CNTNAP2: variants seen among roughly 807,000 people sequenced by gnomAD.
CNTNAP2 encodes the protein contactin-associated protein-like 2.
A neutral mutation model predicts 155.2 loss-of-function variants in CNTNAP2; 98 were observed. That is an observed-to-expected ratio of 0.63 (90% CI 0.54 to 0.75). The LOEUF is 0.75. Ranked by LOEUF, CNTNAP2 falls within the 30% of genes least tolerant of loss-of-function variation. The probability of loss-of-function intolerance (pLI) is 0.00; values close to 1 mark genes in which losing one functional copy is unlikely to be tolerated. For missense variants in CNTNAP2, 1,727 were observed against 1,688.1 expected (o/e 1.02, Z -0.40); for synonymous variants, 651 against 631.2 (o/e 1.03, Z -0.47).
At chr7:147,963,112 C>A (rs915971372) in intron 14 of CNTNAP2, among the ~76,000 whole-genome samples, 1 of 152,064 alleles carries the variant, frequency 6.6e-6, no homozygotes, top group Non-Finnish European at 1.5e-5. Context: ...ATGACATAAT[C>A]TTTACTCAAG....
chr7:147,882,142 T>C (rs927527374), intron 13 of CNTNAP2, among the ~76,000 whole-genome samples: 29 of 149,120 alleles, frequency 1.9e-4, no homozygotes, highest in African/African-American at 6.9e-4. Context: ...GAAAACATAA[T>C]CAGAAAAAAA....
intron 3 of CNTNAP2, among the ~76,000 whole-genome samples, chr7:146,985,420 C>T (rs529550118): frequency 3.1e-4 from 47 of 149,438 alleles, no homozygotes; most frequent in African/African-American, 1.1e-3. Flanking sequence ...TGGGTTCATG[C>T]CATTCTCCTG....
At chr7:146,919,693 G>A (rs1385587023) in intron 3 of CNTNAP2, among the ~76,000 whole-genome samples, 1 of 152,188 alleles carries the variant, frequency 6.6e-6, no homozygotes, top group Non-Finnish European at 1.5e-5. Context: ...ACGTTCAAGA[G>A]CACATCAGCT....
At chr7:146,384,838 A>G (rs1795438090) in intron 1 of CNTNAP2, among the ~76,000 whole-genome samples, 1 of 152,174 alleles carries the variant, frequency 6.6e-6, no homozygotes, top group South Asian at 2.1e-4. Flanking sequence ...TTTCGATGTA[A>G]TTATTACTTC....
At chr7:148,158,557 C>T (rs1805450499) in intron 17 of CNTNAP2, among the ~76,000 whole-genome samples, 1 of 152,118 alleles carries the variant, frequency 6.6e-6, no homozygotes, top group Non-Finnish European at 1.5e-5. Flanking sequence ...CCCAAATAAT[C>T]AAATCAACAG....
intron 1 of CNTNAP2, among the ~76,000 whole-genome samples, chr7:146,695,549 T>A (rs1192159410): frequency 6.6e-6 from 1 of 151,854 alleles, no homozygotes; most frequent in African/African-American, 2.4e-5. Context: ...CATGCAGAAC[T>A]ATAGGCCCAC....
intron 1 of CNTNAP2, among the ~76,000 whole-genome samples, chr7:146,285,669 C>A (rs1800313838): frequency 7.6e-6 from 1 of 131,176 alleles, no homozygotes; most frequent in Non-Finnish European, 1.6e-5. Flanking sequence ...TCCCTCCCTC[C>A]CCTCCTCTTC....
intron 14 of CNTNAP2, among the ~76,000 whole-genome samples, chr7:147,912,870 T>TG (rs1800090538): frequency 6.6e-6 from 1 of 152,150 alleles, no homozygotes; most frequent in South Asian, 2.1e-4. Context: ...ATTCCCAGCT[T>TG]AAGCCACAAA....
chr7:147,156,923 A>T (rs908422678), intron 8 of CNTNAP2, among the ~76,000 whole-genome samples: 1 of 152,080 alleles, frequency 6.6e-6, no homozygotes, highest in Non-Finnish European at 1.5e-5. Context: ...CTATATAGAG[A>T]ATCACAAGAA....
At chr7:148,166,451 A>C (rs907527956) in intron 17 of CNTNAP2, among the ~76,000 whole-genome samples, 1 of 151,444 alleles carries the variant, frequency 6.6e-6, no homozygotes, top group Non-Finnish European at 1.5e-5. Flanking sequence ...CAGGAACCCA[A>C]CTTAGCTCTT....
At chr7:148,348,200 G>A (rs1798360761) in intron 21 of CNTNAP2, among the ~76,000 whole-genome samples, 1 of 152,204 alleles carries the variant, frequency 6.6e-6, no homozygotes. Flanking sequence ...CACTGGGTCT[G>A]AGTGGGCCCC....
In CNTNAP2 at chr7:147,390,900, T is replaced by A. The variant is rs549780799; in HGVS notation, c.1499-4709T>A. Among the ~76,000 whole-genome samples the A allele has an allele frequency of 2.6e-5, 4 of 152,186 alleles. No homozygotes were observed. In the East Asian group the frequency reaches 5.8e-4, roughly 22 times the overall value. Reference sequence around the variant, plus strand: ...ACCCTACAGCCCACAGAGATACATATCTTTTTCCACACACGAAGTACACCC... The same window carrying A: ...ACCCTACAGCCCACAGAGATACATAACTTTTTCCACACACGAAGTACACCC... On this transcript the variant is annotated intron_variant, in intron 9 of 23. Coordinates refer to ENST00000361727, the MANE Select transcript of CNTNAP2 (RefSeq NM_014141.6).
intron 13 of CNTNAP2, among the ~76,000 whole-genome samples, chr7:147,819,616 T>A (rs1798331148): frequency 6.6e-6 from 1 of 152,200 alleles, no homozygotes; most frequent in Non-Finnish European, 1.5e-5. Flanking sequence ...GACAAATGTA[T>A]ACACCTGTGT....
At chr7:147,480,584 C>A (rs956858212) in intron 10 of CNTNAP2, among the ~76,000 whole-genome samples, 12 of 152,150 alleles carry the variant, frequency 7.9e-5, no homozygotes, top group Non-Finnish European at 1.5e-4. Flanking sequence ...AATGAGATTA[C>A]AAAGATTATT....
chr7:148,406,294 G>A (rs938766633), intron 22 of CNTNAP2, among the ~76,000 whole-genome samples: 2 of 152,128 alleles, frequency 1.3e-5, no homozygotes, highest in African/African-American at 2.4e-5. Context: ...AAAGAAAAAG[G>A]AGGTCAGGAA....
At chr7:147,043,311 C>T (rs946693535) in intron 3 of CNTNAP2, among the ~76,000 whole-genome samples, 25 of 152,100 alleles carry the variant, frequency 1.6e-4, no homozygotes, top group African/African-American at 5.8e-4. Flanking sequence ...CTTTCAGTAT[C>T]AGATAAAAAT....
intron 11 of CNTNAP2, among the ~76,000 whole-genome samples, chr7:147,500,174 C>A (rs1798784896): frequency 6.6e-6 from 1 of 151,754 alleles, no homozygotes; most frequent in Non-Finnish European, 1.5e-5. Flanking sequence ...GCAATATGAT[C>A]TATCACTGAC....
intron 1 of CNTNAP2, among the ~76,000 whole-genome samples, chr7:146,567,731 T>G (rs1798378862): frequency 6.6e-6 from 1 of 152,050 alleles, no homozygotes; most frequent in Admixed American, 6.6e-5. Flanking sequence ...ACTTAAAACT[T>G]TTTTTGGGGG....
At chr7:147,292,960 G>A (rs751101809) in intron 8 of CNTNAP2, among the ~76,000 whole-genome samples, 49 of 152,092 alleles carry the variant, frequency 3.2e-4, no homozygotes, top group Non-Finnish European at 5.1e-4. Flanking sequence ...TAGAGACGGG[G>A]TTTCACCATG....
Sources: allele counts gnomAD v4.1 joint callset (sites outside exome capture counted in the v4.1 genomes callset), GRCh38; gene constraint gnomAD v4.1.1; transcripts MANE v1.5; gene names NCBI Gene and HGNC (gene_info 2026-07-23, HGNC 2026-07-21).